The following SGCG variants were observed in gnomAD, a reference collection of about 807,000 sequenced individuals.
SGCG encodes gamma-sarcoglycan.
SGCG carries 26 observed loss-of-function variants against 29.3 expected under a neutral mutation model. The ratio of observed to expected loss-of-function variants is 0.89; its 90% CI spans 0.65 to 1.23. The LOEUF (loss-of-function observed/expected upper bound fraction) is 1.23. SGCG is among the 50% of genes most tolerant of loss of function. The pLI, the probability that SGCG is intolerant of heterozygous loss-of-function variation, is 0.00. For missense variants in SGCG, 353 were observed against 356.0 expected (o/e 0.99, Z 0.07); for synonymous variants, 145 against 129.7 (o/e 1.12, Z -0.80).
At chr13:23,318,077 T>G (rs2137523126) in intron 6 of SGCG, among the ~76,000 whole-genome samples, 1 of 152,336 alleles carries the variant, frequency 6.6e-6, no homozygotes, top group Middle Eastern at 3.4e-3. Context: ...CTCCAAGTTC[T>G]TCAGTTTTGA....
intron 2 of SGCG, among the ~76,000 whole-genome samples, chr13:23,220,731 T>C (rs1878625627): frequency 6.6e-6 from 1 of 152,210 alleles, no homozygotes; most frequent in African/African-American, 2.4e-5. Flanking sequence ...AGAAAATTCA[T>C]GTCCAGTCTT....
intron 4 of SGCG, among the ~76,000 whole-genome samples, chr13:23,264,523 A>G (rs748975465): frequency 3.9e-5 from 6 of 152,212 alleles, no homozygotes; most frequent in Non-Finnish European, 5.9e-5. Flanking sequence ...TACAAATTCA[A>G]TGCAATTTCT....
chr13:23,232,993 G>C (rs1230990038), intron 2 of SGCG, among the ~76,000 whole-genome samples: 1 of 152,144 alleles, frequency 6.6e-6, no homozygotes, highest in Non-Finnish European at 1.5e-5. Flanking sequence ...TAACTACCAT[G>C]GTAAACAGTA....
At chr13:23,275,374 G>T (rs1241433421) in intron 4 of SGCG, among the ~76,000 whole-genome samples, 1 of 151,846 alleles carries the variant, frequency 6.6e-6, no homozygotes, top group African/African-American at 2.4e-5. Flanking sequence ...AGTCAGCCGG[G>T]TGCCTATAGT....
intron 3 of SGCG, among the ~76,000 whole-genome samples, 169 bp from the exon 4 acceptor site, chr13:23,250,461 A>C (rs1879917490): frequency 6.6e-6 from 1 of 152,234 alleles, no homozygotes; most frequent in African/African-American, 2.4e-5. Context: ...AATGTTAAAA[A>C]AATATGATTC....
intron 1 of SGCG, among the ~76,000 whole-genome samples, chr13:23,197,117 G>T (rs1300587584): frequency 3.9e-5 from 6 of 151,966 alleles, no homozygotes; most frequent in Admixed American, 3.9e-4. Context: ...TGAATTATCT[G>T]TCACTAGCTC....
chr13:23,176,840 T>C (rs933101577), upstream of SGCG, among the ~76,000 whole-genome samples: 17 of 152,156 alleles, frequency 1.1e-4, no homozygotes, highest in African/African-American at 4.1e-4. Flanking sequence ...ACCTTTGTGG[T>C]TTAGAGGTTT....
At chr13:23,314,889 A>G (rs992921838) in intron 6 of SGCG, among the ~76,000 whole-genome samples, 1 of 152,186 alleles carries the variant, frequency 6.6e-6, no homozygotes, top group Non-Finnish European at 1.5e-5. Flanking sequence ...GAGGCAACAC[A>G]TTCCTCATTT....
intron 3 of SGCG, among the ~76,000 whole-genome samples, chr13:23,239,506 C>T (rs1879427453): frequency 6.6e-6 from 1 of 152,078 alleles, no homozygotes. Context: ...GAATATGATG[C>T]TAGAAGAAAA....
intron 2 of SGCG, 65 bp downstream of exon 2, chr13:23,203,954 T>A (rs927146080): frequency 8.6e-7 from 1 of 1,166,448 alleles, no homozygotes. Flanking sequence ...TAGTCTGTAT[T>A]GTATTGATAG....
At chr13:23,235,332 C>G (rs1391209616) in intron 3 of SGCG, among the ~76,000 whole-genome samples, 1 of 151,074 alleles carries the variant, frequency 6.6e-6, no homozygotes, top group African/African-American at 2.4e-5. Context: ...GCATTCCAGC[C>G]TGGGCAACAA....
intron 3 of SGCG, among the ~76,000 whole-genome samples, chr13:23,235,265 A>G (rs564447667): frequency 1.1e-4 from 16 of 152,254 alleles, no homozygotes; most frequent in African/African-American, 3.8e-4. Flanking sequence ...AGGCTGAGGT[A>G]GGAGAATCGC....
At chr13:23,225,807 A>ACACACACC (rs1491150183) in intron 2 of SGCG, among the ~76,000 whole-genome samples, 147 of 145,022 alleles carry the variant, frequency 1.0e-3, no homozygotes, top group Non-Finnish European at 1.9e-3. Context: ...ACACACACAC[A>ACACACACC]CCCCTACATA....
At chr13:23,226,732 T>C (rs1215973985) in intron 2 of SGCG, among the ~76,000 whole-genome samples, 1 of 152,128 alleles carries the variant, frequency 6.6e-6, no homozygotes, top group Non-Finnish European at 1.5e-5. Context: ...AAGTAGAATG[T>C]TGGTTACCAG....
chr13:23,307,075 T>A (rs1234757482), intron 6 of SGCG, among the ~76,000 whole-genome samples: 3 of 152,238 alleles, frequency 2.0e-5, no homozygotes, highest in Non-Finnish European at 4.4e-5. Context: ...TATTTTTTCT[T>A]AACAAACAGA....
intron 1 of SGCG, among the ~76,000 whole-genome samples, chr13:23,195,558 A>G (rs966556987): frequency 5.3e-5 from 8 of 150,766 alleles, no homozygotes; most frequent in African/African-American, 2.0e-4. Context: ...AAGGGCATTT[A>G]TTCTGTTGGT....
At chr13:23,271,198 T>TTTG (rs1880864231) in intron 4 of SGCG, among the ~76,000 whole-genome samples, 2 of 152,000 alleles carry the variant, frequency 1.3e-5, no homozygotes. Context: ...TGTGATAGAG[T>TTTG]GAGACTCTGT....
intron 3 of SGCG, among the ~76,000 whole-genome samples, chr13:23,247,768 A>C (rs1879770043): frequency 7.0e-6 from 1 of 143,518 alleles, no homozygotes; most frequent in African/African-American, 2.6e-5. Flanking sequence ...CAACATAGTT[A>C]AAACTCATCT....
upstream of SGCG, among the ~76,000 whole-genome samples, chr13:23,178,257 A>C (rs574662): frequency 0.28 from 42,388 of 152,058 alleles, 6,012 homozygotes; most frequent in Middle Eastern, 0.36. Flanking sequence ...CAAGTCAGGC[A>C]GGAGCAAGGA....
Sources: gnomAD v4.1 joint callset for allele counts (sites outside exome capture counted in the v4.1 genomes callset) on GRCh38, gnomAD v4.1.1 for gene constraint, MANE v1.5 for transcripts, NCBI Gene and HGNC (gene_info 2026-07-23, HGNC 2026-07-21) for gene names.